BACE2: variants seen among roughly 807,000 people sequenced by gnomAD.
BACE2 encodes the protein beta-secretase 2, also known as 56 kDa aspartic-like protease.
In BACE2, 17 loss-of-function variants were observed where a neutral mutation model predicts 46.2. That is an observed-to-expected ratio of 0.37 (90% CI 0.25 to 0.55). The LOEUF is 0.55. BACE2 is among the 20% of genes least tolerant of loss of function. The pLI is 0.82. For synonymous variants in BACE2, 277 were observed against 295.9 expected (o/e 0.94, Z 0.66); for missense variants, 595 against 698.1 (o/e 0.85, Z 1.66).
rs73368313 is a variant in BACE2, at chr21:41,253,498, G to A, written c.1134+2597G>A. Among the ~76,000 whole-genome samples, 993 of 152,004 alleles carry A rather than the reference G, an allele frequency of 6.5e-3. 9 individuals carry two copies. Among genetic ancestry groups the A allele is most frequent in the African/African-American group, 0.022 (903 of 41,442 alleles). On this transcript the variant is annotated intron_variant, in intron 7 of 8. Coordinates refer to ENST00000330333, the MANE Select transcript of BACE2 (RefSeq NM_012105.5). ...ATGATTACATTTTGGCTAGTAGAGC[G>A]GCAAAATGTGGACATTATTTCATCA...
intron 3 of BACE2, among the ~76,000 whole-genome samples, chr21:41,241,009 C>T (rs1987271556): frequency 6.6e-6 from 1 of 152,184 alleles, no homozygotes; most frequent in African/African-American, 2.4e-5. Context: ...TCATGGTCAC[C>T]AACTCCAGTG....
chr21:41,196,304 A>G (rs921071405), intron 1 of BACE2, among the ~76,000 whole-genome samples: 4 of 139,164 alleles, frequency 2.9e-5, no homozygotes, highest in Non-Finnish European at 1.6e-5. Context: ...TCTCAAAACA[A>G]AAAACAAAAC....
In BACE2 at chr21:41,174,915, C is replaced by T. The variant is rs1984756492; in HGVS notation, c.312+6340C>T. Reference sequence around the variant, plus strand: ...CGGACAATAGGGCATACCTGTGAGGCAGGTGGGCAGCCTGGCACCCCTTCT... The same window carrying T: ...CGGACAATAGGGCATACCTGTGAGGTAGGTGGGCAGCCTGGCACCCCTTCT... On this transcript the variant is annotated intron_variant, in intron 1 of 8. Coordinates refer to ENST00000330333, the MANE Select transcript of BACE2 (RefSeq NM_012105.5). Among the ~76,000 whole-genome samples the T allele has an allele frequency of 2.0e-5, 3 of 152,146 alleles. No individual in the cohort carries two copies. In the South Asian group the frequency reaches 6.2e-4, roughly 31 times the overall value.
rs533678968 is a variant in BACE2, at chr21:41,270,373, G to A, written c.1304-4998G>A. 3.3e-5 allele frequency among the ~76,000 whole-genome samples: 5 copies of A among 152,022 alleles called. No individual in the cohort carries two copies. The South Asian group carries it at 1.0e-3, about 32-fold the overall frequency. On this transcript the variant is annotated intron_variant, in intron 8 of 8. Coordinates refer to ENST00000330333, the MANE Select transcript of BACE2 (RefSeq NM_012105.5). ...TTCCTTTTACAAATTGTGCTTTTGG[G>A]TACTATAGCTAAGAAATTTTTCGCC...
At chr21:41,213,617 C>T (rs1986365942) in intron 1 of BACE2, among the ~76,000 whole-genome samples, 1 of 151,928 alleles carries the variant, frequency 6.6e-6, no homozygotes, top group Admixed American at 6.6e-5. Context: ...TACTAAAATA[C>T]AAAAAAATTA....
chr21:41,228,343 T>C (rs1986878949), intron 2 of BACE2, among the ~76,000 whole-genome samples: 1 of 152,170 alleles, frequency 6.6e-6, no homozygotes, highest in Non-Finnish European at 1.5e-5. Context: ...CAAGCTGACT[T>C]ACACTCACAC....
At chr21:41,243,261 A>G in intron 4 of BACE2, 115 bp from the exon 5 acceptor site, 1 of 842,664 alleles carries the variant, frequency 1.2e-6, no homozygotes, top group Non-Finnish European at 1.7e-6. Flanking sequence ...ATTGTCACGA[A>G]GTAGAAGCCC....
intron 1 of BACE2, among the ~76,000 whole-genome samples, chr21:41,214,216 G>A (rs1408630123): frequency 6.6e-6 from 1 of 152,186 alleles, no homozygotes; most frequent in Admixed American, 6.5e-5. Context: ...ATGAATGGTG[G>A]AGGGAGATTG....
intron 8 of BACE2, among the ~76,000 whole-genome samples, chr21:41,260,285 T>C (rs1449988520): frequency 6.6e-6 from 1 of 152,048 alleles, no homozygotes; most frequent in Non-Finnish European, 1.5e-5. Context: ...CCTGGGACTA[T>C]AGCATGTGTC....
chr21:41,234,434 A>G (rs1025522868), intron 2 of BACE2, among the ~76,000 whole-genome samples: 6 of 152,244 alleles, frequency 3.9e-5, no homozygotes, highest in African/African-American at 1.4e-4. Context: ...CTATCAGAAC[A>G]CAGCCATGCA....
intron 3 of BACE2, 77 bp from the exon 4 acceptor site, chr21:41,241,742 C>G: frequency 6.5e-7 from 1 of 1,529,884 alleles, no homozygotes; most frequent in East Asian, 2.3e-5. Context: ...GTCTGTGGCG[C>G]GTGGCGTCTA....
At chr21:41,244,759 G>A (rs1196648034) in intron 5 of BACE2, among the ~76,000 whole-genome samples, 1 of 152,132 alleles carries the variant, frequency 6.6e-6, no homozygotes, top group South Asian at 2.1e-4. Flanking sequence ...AATGATGGTC[G>A]CTTCTATTGC....
intron 2 of BACE2, among the ~76,000 whole-genome samples, chr21:41,234,135 G>A (rs1987044974): frequency 6.6e-6 from 1 of 152,122 alleles, no homozygotes; most frequent in Admixed American, 6.5e-5. Context: ...TCGTGGCAGT[G>A]AATAAGTTTT....
intron 1 of BACE2, among the ~76,000 whole-genome samples, chr21:41,209,237 G>T (rs1375359554): frequency 6.6e-6 from 1 of 152,224 alleles, no homozygotes; most frequent in Non-Finnish European, 1.5e-5. Context: ...TCTGGGGGTG[G>T]GAGAGGGCGT....
chr21:41,192,754 G>C (rs1326365917), intron 1 of BACE2, among the ~76,000 whole-genome samples: 2 of 152,212 alleles, frequency 1.3e-5, no homozygotes, highest in African/African-American at 4.8e-5. Context: ...GCCTTCTCCT[G>C]TTCTGGACTC....
intron 1 of BACE2, chr21:41,179,286 G>A: frequency 7.6e-7 from 1 of 1,308,408 alleles, no homozygotes; most frequent in Non-Finnish European, 1.0e-6. Context: ...AGGGAGTCCA[G>A]GGTGAGGATT....
At chr21:41,257,404 G>A (rs1601315227) in intron 8 of BACE2, 78 bp downstream of exon 8, 1 of 1,482,158 alleles carries the variant, frequency 6.7e-7, no homozygotes, top group South Asian at 1.2e-5. Flanking sequence ...AGCAATTCTT[G>A]ATGGCAACTC....
At position 41,172,191 on chromosome 21, in the gene BACE2, C is replaced by G. The variant is rs77844526; in HGVS notation, c.312+3616C>G. 6.8e-3 allele frequency among the ~76,000 whole-genome samples: 1,033 copies of G among 152,340 alleles called. 9 individuals carry two copies. Among genetic ancestry groups the G allele is most frequent in the African/African-American group, 0.024 (979 of 41,570 alleles). On this transcript the variant is annotated intron_variant, in intron 1 of 8. Transcript: ENST00000330333. ...GTCAAAGCCAGTTTGCCACCAGCTC[C>G]TTCGAGTGAGAAGTGGCAGCTTCTG... is the stretch of plus-strand genomic sequence containing the variant.
At chr21:41,170,247 G>T (rs1055377746) in intron 1 of BACE2, among the ~76,000 whole-genome samples, 57 of 151,596 alleles carry the variant, frequency 3.8e-4, no homozygotes, top group Non-Finnish European at 7.2e-4. Context: ...ATAATAACTT[G>T]CCTGTTAATT....
Sources: gnomAD v4.1 joint callset for allele counts (sites outside exome capture counted in the v4.1 genomes callset) on GRCh38, gnomAD v4.1.1 for gene constraint, MANE v1.5 for transcripts, NCBI Gene and HGNC (gene_info 2026-07-23, HGNC 2026-07-21) for gene names.